The following GRIP1 variants were observed in gnomAD, a reference collection of about 807,000 sequenced individuals.
GRIP1 encodes glutamate receptor interacting protein 1.
A neutral mutation model predicts 129.9 loss-of-function variants in GRIP1; 45 were observed. The ratio of observed to expected loss-of-function variants is 0.35; its 90% CI spans 0.27 to 0.44. The LOEUF is 0.44. Among genes scored for constraint, GRIP1 ranks in the 20% least tolerant of loss-of-function variants. GRIP1 has a pLI of 1.00. For missense variants in GRIP1, 1,196 were observed against 1,396.8 expected (o/e 0.86, Z 2.29); for synonymous variants, 530 against 520.8 (o/e 1.02, Z -0.24).
In GRIP1 at chr12:66,465,358, A is replaced by G. The variant is rs769170364; in HGVS notation, c.789T>C (p.Leu263=). Residue 263 remains leucine (L), a synonymous_variant, in exon 8 of 25, where the codon CTT becomes CTC. Transcript: ENST00000359742. The part of the protein sequence containing the change: ...VEVAKTPGAS[L]GVALTTSMCC... ...ACATCGAGGTAGTTAGGGCAACCCC[A>G]AGGCTGGCACCAGGAGTTTTGGCAA... 5 of 1,613,906 alleles carry G rather than the reference A, an allele frequency of 3.1e-6. No individual in the cohort carries two copies. Among genetic ancestry groups the G allele is most frequent in the Non-Finnish European group, 4.2e-6 (5 of 1,179,762 alleles).
At chr12:66,712,491 T>C (rs1227408114) in intron 1 of GRIP1, among the ~76,000 whole-genome samples, 1 of 152,022 alleles carries the variant, frequency 6.6e-6, no homozygotes, top group African/African-American at 2.4e-5. Context: ...AAGATGTTAG[T>C]GCATCTTTGT....
At chr12:66,674,456 T>C (rs2034230596) in intron 1 of GRIP1, among the ~76,000 whole-genome samples, 1 of 152,224 alleles carries the variant, frequency 6.6e-6, no homozygotes, top group Admixed American at 6.5e-5. Context: ...TTTAAATGTG[T>C]TTCTTTAATT....
intron 1 of GRIP1, among the ~76,000 whole-genome samples, chr12:66,981,055 C>A (rs1016967155): frequency 3.3e-5 from 5 of 152,162 alleles, no homozygotes; most frequent in Non-Finnish European, 7.3e-5. Flanking sequence ...GCCTTCTATT[C>A]CAATTGAATT....
At chr12:66,787,071 C>T (rs1352622295) in intron 1 of GRIP1, among the ~76,000 whole-genome samples, 1 of 152,092 alleles carries the variant, frequency 6.6e-6, no homozygotes, top group African/African-American at 2.4e-5. Context: ...AATTTACGCA[C>T]AAGTAACCTT....
At chr12:66,828,300 A>G (rs1344325035) in intron 1 of GRIP1, among the ~76,000 whole-genome samples, 1 of 152,226 alleles carries the variant, frequency 6.6e-6, no homozygotes, top group Admixed American at 6.5e-5. Flanking sequence ...CTAAACTAAA[A>G]AAATTAAAAC....
At chr12:66,786,429 A>T (rs1279388859) in intron 1 of GRIP1, among the ~76,000 whole-genome samples, 1 of 152,146 alleles carries the variant, frequency 6.6e-6, no homozygotes, top group Non-Finnish European at 1.5e-5. Context: ...AGGGCTGGGG[A>T]CAGCTTCAGG....
At chr12:66,781,836 T>C (rs905602861) in intron 1 of GRIP1, among the ~76,000 whole-genome samples, 4 of 152,166 alleles carry the variant, frequency 2.6e-5, no homozygotes, top group South Asian at 4.1e-4. Context: ...GGTGTATAAA[T>C]TGGTATAGCC....
At chr12:66,528,516 G>T (rs1284619891) in intron 5 of GRIP1, among the ~76,000 whole-genome samples, 1 of 152,076 alleles carries the variant, frequency 6.6e-6, no homozygotes. Flanking sequence ...GATGACTTGA[G>T]CTGAAGCACA....
intron 1 of GRIP1, among the ~76,000 whole-genome samples, chr12:66,685,393 A>C (rs961091355): frequency 1.3e-5 from 2 of 152,172 alleles, no homozygotes; most frequent in African/African-American, 4.8e-5. Flanking sequence ...GATATCATAC[A>C]GCTGAGTTAT....
chr12:66,975,218 G>A (rs185236122), intron 1 of GRIP1, among the ~76,000 whole-genome samples: 7 of 152,278 alleles, frequency 4.6e-5, no homozygotes, highest in African/African-American at 7.2e-5. Context: ...CTCTTGCCAA[G>A]CCTGGCACCA....
chr12:66,882,210 CAAAAAAA>C (rs59374332), intron 1 of GRIP1, among the ~76,000 whole-genome samples: 3 of 129,514 alleles, frequency 2.3e-5, no homozygotes, highest in African/African-American at 2.9e-5. Flanking sequence ...TGTGCCATCA[CAAAAAAA>C]AAAAAAAAAA....
intron 2 of GRIP1, among the ~76,000 whole-genome samples, chr12:66,553,188 T>C (rs1270392689): frequency 6.6e-6 from 1 of 152,190 alleles, no homozygotes; most frequent in African/African-American, 2.4e-5. Context: ...AAGCAGTCAC[T>C]ACTGTTTCCT....
intron 1 of GRIP1, among the ~76,000 whole-genome samples, chr12:67,052,566 T>C (rs2043362739): frequency 1.3e-5 from 2 of 152,118 alleles, no homozygotes. Context: ...GAGACCATCC[T>C]GGCTAATACA....
chr12:66,369,517 G>C (rs535936501), intron 23 of GRIP1, among the ~76,000 whole-genome samples: 7 of 151,932 alleles, frequency 4.6e-5, no homozygotes, highest in East Asian at 1.9e-4. Flanking sequence ...GGAGGTAACT[G>C]TTTCACTCCA....
chr12:66,438,107 G>T (rs2058365580), intron 13 of GRIP1, among the ~76,000 whole-genome samples: 1 of 152,220 alleles, frequency 6.6e-6, no homozygotes, highest in African/African-American at 2.4e-5. Context: ...TTCTGGGGTT[G>T]CTGGACAGCC....
chr12:66,542,882 A>T (rs1209917446), intron 2 of GRIP1, among the ~76,000 whole-genome samples: 4 of 152,188 alleles, frequency 2.6e-5, no homozygotes, highest in African/African-American at 7.2e-5. Flanking sequence ...TACACATTTC[A>T]GGGGTAATGA....
chr12:66,974,833 C>T (rs773712130), intron 1 of GRIP1, among the ~76,000 whole-genome samples: 40 of 152,292 alleles, frequency 2.6e-4, no homozygotes, highest in Admixed American at 7.2e-4. Context: ...TTTCCTAAAG[C>T]TTCTTCCAAG....
chr12:66,922,867 C>T (rs947203799), intron 1 of GRIP1, among the ~76,000 whole-genome samples: 4 of 152,158 alleles, frequency 2.6e-5, no homozygotes, highest in African/African-American at 9.7e-5. Flanking sequence ...ACAGGATCTC[C>T]CTCTGAGCCT....
rs762472742 is a variant in GRIP1, at chr12:66,678,989, C to T, written c.-85G>A. The T allele has an allele frequency of 1.1e-5, 18 of 1,605,226 alleles. No homozygotes were observed. Among genetic ancestry groups the T allele is most frequent in the African/African-American group, 1.3e-5 (1 of 74,612 alleles). On this transcript the variant is annotated 5_prime_UTR_variant, in exon 1 of 25. Coordinates refer to ENST00000359742, the MANE Select transcript of GRIP1 (RefSeq NM_001366722.1). ...GCAGCAGCAGCATATGAATTCCTTG[C>T]GCACATACCAGGAGAAAGGTAGTCC...
Sources: allele counts gnomAD v4.1 joint callset (sites outside exome capture counted in the v4.1 genomes callset), GRCh38; gene constraint gnomAD v4.1.1; transcripts MANE v1.5; gene names NCBI Gene and HGNC (gene_info 2026-07-23, HGNC 2026-07-21).